CACNG4: variants seen among roughly 807,000 people sequenced by gnomAD.
CACNG4 encodes voltage-dependent calcium channel gamma-4 subunit.
In CACNG4, 8 loss-of-function variants were observed where a neutral mutation model predicts 22.9. The observed-to-expected ratio is 0.35, with a 90% CI of 0.21 to 0.63. CACNG4 has a LOEUF of 0.63. CACNG4 is among the 30% of genes least tolerant of loss of function. The pLI is 0.72. For missense variants in CACNG4, 357 were observed against 455.4 expected, an observed-to-expected ratio of 0.78 and a Z score of 1.97; for synonymous variants, 188 against 191.9, an observed-to-expected ratio of 0.98 and a Z score of 0.17.
intron 1 of CACNG4, among the ~76,000 whole-genome samples, chr17:67,007,970 A>G (rs1351787858): frequency 6.6e-6 from 1 of 152,132 alleles, no homozygotes; most frequent in East Asian, 1.9e-4. Flanking sequence ...ACTTCAGTTC[A>G]CATTCCATTG....
intron 1 of CACNG4, among the ~76,000 whole-genome samples, chr17:67,001,791 G>C (rs2035409461): frequency 6.6e-6 from 1 of 152,240 alleles, no homozygotes; most frequent in African/African-American, 2.4e-5. Flanking sequence ...CATAAGGAAT[G>C]GAAGGTACAT....
At chr17:67,025,335 G>C (rs892371240) in intron 3 of CACNG4, among the ~76,000 whole-genome samples, 2 of 152,270 alleles carry the variant, frequency 1.3e-5, no homozygotes, top group Admixed American at 6.5e-5. Flanking sequence ...ATAAGTCCAG[G>C]TGTGCAAAGT....
At chr17:67,000,483 T>G (rs370252934) in intron 1 of CACNG4, among the ~76,000 whole-genome samples, 43 of 152,170 alleles carry the variant, frequency 2.8e-4, no homozygotes, top group African/African-American at 9.6e-4. Flanking sequence ...AAGCTGAGGC[T>G]GAGTGATCTG....
intron 1 of CACNG4, among the ~76,000 whole-genome samples, chr17:66,981,159 C>T (rs2035270046): frequency 6.6e-6 from 1 of 152,018 alleles, no homozygotes; most frequent in Non-Finnish European, 1.5e-5. Context: ...GCCAGGTGCT[C>T]AGAATGTTAC....
At chr17:67,003,609 C>T (rs1213992334) in intron 1 of CACNG4, among the ~76,000 whole-genome samples, 1 of 152,152 alleles carries the variant, frequency 6.6e-6, no homozygotes, top group Non-Finnish European at 1.5e-5. Flanking sequence ...AGGGAGTCAT[C>T]CTGTGCATTG....
At chr17:66,977,944 C>G (rs1254434387) in intron 1 of CACNG4, among the ~76,000 whole-genome samples, 1 of 152,140 alleles carries the variant, frequency 6.6e-6, no homozygotes, top group African/African-American at 2.4e-5. Context: ...CAGAACACGT[C>G]CTAGACGTTA....
Position 67,027,687 on chromosome 17 carries a change from GA to G in CACNG4, c.445+2691del, listed in dbSNP as rs1279950558. On this transcript the variant is annotated intron_variant, in intron 3 of 3. Coordinates refer to ENST00000262138, the MANE Select transcript of CACNG4 (RefSeq NM_014405.4). This position sits in a 1 kb window ranked among gnomAD's most constrained non-coding sequence, Gnocchi z 4.3. ...CTCGTGCTGAATACAGAGAGGGGAAGAAAACACAAAGCTAGGGAAGCAGCAA... is the reference window on the plus strand; with the variant it reads ...CTCGTGCTGAATACAGAGAGGGGAAGAAACACAAAGCTAGGGAAGCAGCAA... Among the ~76,000 whole-genome samples, 1 of 152,198 alleles carries G rather than the reference GA, an allele frequency of 6.6e-6. No individual in the cohort carries two copies. Among genetic ancestry groups the G allele is most frequent in the Non-Finnish European group, 1.5e-5 (1 of 68,030 alleles).
chr17:66,995,678 C>T lies in CACNG4; in HGVS notation c.221-22511C>T, dbSNP rs986929018. Among the ~76,000 whole-genome samples the T allele has an allele frequency of 5.3e-5, 8 of 151,970 alleles. No homozygotes were observed. In the East Asian group the frequency reaches 1.2e-3, roughly 22 times the overall value. ...CAGCCTGACCAAGATGGTGAAACCCCGTCTCTACTAAAAATACAAAAATTA... is the reference window on the plus strand; with the variant it reads ...CAGCCTGACCAAGATGGTGAAACCCTGTCTCTACTAAAAATACAAAAATTA... On this transcript the variant is annotated intron_variant, in intron 1 of 3. Coordinates refer to ENST00000262138, the MANE Select transcript of CACNG4 (RefSeq NM_014405.4).
intron 1 of CACNG4, among the ~76,000 whole-genome samples, chr17:66,994,654 C>G (rs1025822287): frequency 6.6e-6 from 1 of 152,190 alleles, no homozygotes; most frequent in Non-Finnish European, 1.5e-5. Flanking sequence ...CCGGCTTTCT[C>G]CAGTTGGTCA....
chr17:66,999,553 A>C (rs547072574), intron 1 of CACNG4, among the ~76,000 whole-genome samples: 2 of 152,348 alleles, frequency 1.3e-5, no homozygotes, highest in East Asian at 3.9e-4. Flanking sequence ...CACCTTCTTC[A>C]CAAGGCGGCA....
intron 2 of CACNG4, among the ~76,000 whole-genome samples, chr17:67,022,747 C>A (rs566033144): frequency 1.3e-5 from 2 of 152,224 alleles, no homozygotes; most frequent in African/African-American, 4.8e-5. Context: ...GAGATTTCTA[C>A]GGGGCTGGGA....
rs113774929 is a variant in CACNG4 at position 67,018,673 on chromosome 17, T to C, written c.304+401T>C. Among the ~76,000 whole-genome samples the C allele has an allele frequency of 1.9e-3, 289 of 152,170 alleles. 1 individual carries two copies. Among genetic ancestry groups the C allele is most frequent in the African/African-American group, 6.6e-3 (274 of 41,528 alleles). On this transcript the variant is annotated intron_variant, in intron 2 of 3. Transcript: ENST00000262138. ...GAGGGGTGTGGCTCTCTAAGCACAATGGGGCCTCCCCACCCTCTCCTGCAT... is the reference window on the plus strand; with the variant it reads ...GAGGGGTGTGGCTCTCTAAGCACAACGGGGCCTCCCCACCCTCTCCTGCAT...
At chr17:66,985,480 C>T (rs1451923593) in intron 1 of CACNG4, among the ~76,000 whole-genome samples, 1 of 152,124 alleles carries the variant, frequency 6.6e-6, no homozygotes, top group Non-Finnish European at 1.5e-5. Flanking sequence ...TGTCATTTGT[C>T]TTAGTGCACT....
At chr17:66,990,647 CTTATTTTATT>C (rs59079283) in intron 1 of CACNG4, among the ~76,000 whole-genome samples, 388 of 148,622 alleles carry the variant, frequency 2.6e-3, no homozygotes, top group Admixed American at 5.4e-3. Flanking sequence ...TCTAAGTCTC[CTTATTTTATT>C]TTATTTTATT....
At chr17:67,026,667 G>C (rs1436803063) in intron 3 of CACNG4, among the ~76,000 whole-genome samples, 1 of 150,878 alleles carries the variant, frequency 6.6e-6, no homozygotes, top group African/African-American at 2.5e-5. Context: ...GTGTGTATTT[G>C]AGGACTGTGG....
At chr17:66,973,829 G>A (rs1286745944) in intron 1 of CACNG4, among the ~76,000 whole-genome samples, 4 of 152,146 alleles carry the variant, frequency 2.6e-5, no homozygotes, top group African/African-American at 4.8e-5. Context: ...AGGCCAGGGA[G>A]GGCCTGCCTG....
chr17:67,016,914 T>C (rs907016074), intron 1 of CACNG4, among the ~76,000 whole-genome samples: 2 of 151,992 alleles, frequency 1.3e-5, no homozygotes, highest in African/African-American at 4.8e-5. Context: ...CCCCACCCCA[T>C]GAGAGCCACT....
At chr17:66,986,959 G>T (rs2035308750) in intron 1 of CACNG4, among the ~76,000 whole-genome samples, 1 of 152,168 alleles carries the variant, frequency 6.6e-6, no homozygotes. Context: ...GAATGGATTT[G>T]GTGTGGGGAG....
chr17:66,980,520 C>T (rs916184443), intron 1 of CACNG4, among the ~76,000 whole-genome samples: 1 of 151,790 alleles, frequency 6.6e-6, no homozygotes, highest in Admixed American at 6.6e-5. Flanking sequence ...CTGTGGCAAG[C>T]TTAAGCAGGC....
Sources: allele counts gnomAD v4.1 joint callset (sites outside exome capture counted in the v4.1 genomes callset), GRCh38; gene constraint gnomAD v4.1.1; non-coding constraint Gnocchi (gnomAD v3.1); transcripts MANE v1.5; gene names NCBI Gene and HGNC (gene_info 2026-07-23, HGNC 2026-07-21).